ANKDD1B: variants seen among roughly 807,000 people sequenced by gnomAD.
ANKDD1B encodes ankyrin repeat and death domain containing 1B.
A neutral mutation model predicts 59.7 loss-of-function variants in ANKDD1B; 57 were observed. The ratio of observed to expected loss-of-function variants is 0.95; its 90% CI spans 0.77 to 1.19. The LOEUF (loss-of-function observed/expected upper bound fraction) is 1.19. Ranked by LOEUF, ANKDD1B falls within the 50% of genes most tolerant of loss-of-function variation. ANKDD1B has a pLI of 0.00. For missense variants in ANKDD1B, 602 were observed against 641.9 expected (o/e 0.94, Z 0.67); for synonymous variants, 216 against 239.5 (o/e 0.90, Z 0.91).
In ANKDD1B at chr5:75,625,973, GTGTAGGTCT is replaced by G; in HGVS notation, c.600+21_600+29del. The G allele has an allele frequency of 6.6e-7, 1 of 1,508,258 alleles. No homozygotes were observed. Among genetic ancestry groups the G allele is most frequent in the Non-Finnish European group, 8.9e-7 (1 of 1,121,768 alleles). 93.4% of individuals were successfully genotyped at this position (1,508,258 alleles called of 1,614,324 possible). ...CTGATGAGGTGTGTTCACTTTGGTT[GTGTAGGTCT>G]TGCATACACCCCTATCAAATTTCAC... On this transcript the variant is annotated intron_variant, in intron 5 of 13. Coordinates refer to ENST00000601380, the MANE Select transcript of ANKDD1B (RefSeq NM_001276713.2).
intron 11 of ANKDD1B, among the ~76,000 whole-genome samples, chr5:75,664,296 C>T (rs762355627): frequency 1.3e-5 from 2 of 152,226 alleles, no homozygotes; most frequent in African/African-American, 4.8e-5. Context: ...ATTTACTCAT[C>T]TCCTTCTCTC....
At chr5:75,637,863 G>A (rs894425783) in intron 7 of ANKDD1B, among the ~76,000 whole-genome samples, 6 of 151,952 alleles carry the variant, frequency 3.9e-5, no homozygotes, top group Middle Eastern at 6.8e-3. Flanking sequence ...GGAGTACAGC[G>A]GCATGGGAGA....
chr5:75,640,962 T>C (rs1774446186), intron 7 of ANKDD1B, among the ~76,000 whole-genome samples: 1 of 152,330 alleles, frequency 6.6e-6, no homozygotes, highest in East Asian at 1.9e-4. Flanking sequence ...TTGTCACTTC[T>C]TAGAAACAGA....
chr5:75,664,888 C>G (rs1214489077), intron 11 of ANKDD1B, among the ~76,000 whole-genome samples: 1 of 152,094 alleles, frequency 6.6e-6, no homozygotes, highest in African/African-American at 2.4e-5. Flanking sequence ...GGGAGAAATA[C>G]TTGTTTTTTA....
intron 2 of ANKDD1B, among the ~76,000 whole-genome samples, 200 bp from the exon 3 acceptor site, chr5:75,620,115 A>G (rs1169326492): frequency 6.6e-6 from 1 of 152,224 alleles, no homozygotes; most frequent in African/African-American, 2.4e-5. Flanking sequence ...GGACTGCCAA[A>G]TTCTCTGATG....
intron 5 of ANKDD1B, among the ~76,000 whole-genome samples, 152 bp downstream of exon 5, chr5:75,626,107 G>T (rs1176264246): frequency 6.6e-6 from 1 of 152,178 alleles, no homozygotes; most frequent in Non-Finnish European, 1.5e-5. Context: ...CAGAACCAAA[G>T]AGGAGTGTTG....
intron 7 of ANKDD1B, 94 bp from the exon 8 acceptor site, chr5:75,653,048 T>C: frequency 1.2e-6 from 1 of 838,932 alleles, no homozygotes; most frequent in Non-Finnish European, 1.9e-6. Flanking sequence ...TTGTACTATT[T>C]CATTGTATTA....
intron 5 of ANKDD1B, 86 bp from the exon 6 acceptor site, chr5:75,634,812 T>C: frequency 1.2e-6 from 1 of 843,338 alleles, no homozygotes; most frequent in Admixed American, 2.1e-5. Context: ...CTCCCCATCA[T>C]CCTTGAAATG....
In ANKDD1B at chr5:75,656,023, C is replaced by A. The variant is rs757774580; in HGVS notation, c.898-6C>A. 2.2e-6 allele frequency: 3 copies of A among 1,388,824 alleles called. No individual in the cohort carries two copies. Among genetic ancestry groups the A allele is most frequent in the Non-Finnish European group, 2.9e-6 (3 of 1,020,864 alleles). 86.0% of individuals were successfully genotyped at this position (1,388,824 alleles called of 1,614,324 possible). ...CTGGATTTGAAATTTTTATTTCTCT[C>A]TGCAGCCTAAGGAGTCCCCTCTTCA... On this transcript the variant is annotated splice_polypyrimidine_tract_variant and splice_region_variant and intron_variant, in intron 8 of 13. Transcript: ENST00000601380.
intron 7 of ANKDD1B, among the ~76,000 whole-genome samples, chr5:75,649,925 G>T (rs1367887994): frequency 6.6e-6 from 1 of 152,162 alleles, no homozygotes; most frequent in Non-Finnish European, 1.5e-5. Context: ...CGTCAGTGTT[G>T]TTTACCAACA....
rs112768487 is a variant in ANKDD1B, at chr5:75,669,555, G to T, written c.1525+172G>T. On this transcript the variant is annotated intron_variant, in intron 13 of 13. Coordinates refer to ENST00000601380, the MANE Select transcript of ANKDD1B (RefSeq NM_001276713.2). Reference sequence around the variant, plus strand: ...AGCTGTCAGCAGCTTCTCCTTTGGGGAATGACCCAGTCAATACTGGTTACT... The same window carrying T: ...AGCTGTCAGCAGCTTCTCCTTTGGGTAATGACCCAGTCAATACTGGTTACT... Among the ~76,000 whole-genome samples, 987 of 152,294 alleles carry T rather than the reference G, an allele frequency of 6.5e-3. 14 individuals are homozygous for T. Among genetic ancestry groups the T allele is most frequent in the African/African-American group, 0.022 (916 of 41,546 alleles).
intron 5 of ANKDD1B, among the ~76,000 whole-genome samples, chr5:75,633,211 A>G (rs1238357278): frequency 6.6e-6 from 1 of 152,114 alleles, no homozygotes; most frequent in Non-Finnish European, 1.5e-5. Context: ...TTTCTTAGTG[A>G]TTTCCTGAGA....
chr5:75,661,394 C>T (rs6867301), intron 10 of ANKDD1B, among the ~76,000 whole-genome samples: 1 of 58,858 alleles, frequency 1.7e-5, no homozygotes, highest in African/African-American at 8.4e-5. Flanking sequence ...GAAACTCCGT[C>T]TGAAAAAAAA....
At chr5:75,633,147 C>T (rs76123341) in intron 5 of ANKDD1B, among the ~76,000 whole-genome samples, 3,482 of 152,262 alleles carry the variant, frequency 0.023, 144 homozygotes, top group African/African-American at 0.078. Context: ...TTAGTGCCTA[C>T]CTTGAAAGCA....
At chr5:75,640,427 A>G (rs1355110130) in intron 7 of ANKDD1B, among the ~76,000 whole-genome samples, 2 of 152,192 alleles carry the variant, frequency 1.3e-5, no homozygotes, top group Admixed American at 6.5e-5. Flanking sequence ...GCATTGTGTG[A>G]TTTAACTGTG....
In ANKDD1B at chr5:75,653,151, A is replaced by G; in HGVS notation, c.808A>G (p.Ser270Gly). ...CTATTGTCTCTTGCAGCTCAATATC[A>G]GTAGTTTGCAGATAGCAACCAGGAA... ...DINEMNELNISSLQIATRNGH... is the reference protein window; with the variant it reads ...DINEMNELNIGSLQIATRNGH... The change falls in exon 8 of 14, where the codon AGT becomes GGT. Residue 270 changes from serine to glycine, a missense_variant. Transcript: ENST00000601380. 7 of 1,535,360 alleles carry G rather than the reference A, an allele frequency of 4.6e-6. No individual in the cohort carries two copies. Among genetic ancestry groups the G allele is most frequent in the Non-Finnish European group, 6.1e-6 (7 of 1,146,272 alleles).
chr5:75,633,274 A>G (rs1269081117), intron 5 of ANKDD1B, among the ~76,000 whole-genome samples: 1 of 151,742 alleles, frequency 6.6e-6, no homozygotes, highest in Admixed American at 6.6e-5. Context: ...CATTGGTGAC[A>G]TATGTGGCCC....
chr5:75,611,904 A>T, intron 1 of ANKDD1B, 77 bp downstream of exon 1: 1 of 1,154,814 alleles, frequency 8.7e-7, no homozygotes, highest in East Asian at 3.2e-5. Context: ...AGGTACCCAG[A>T]GCAGCACCTC....
At chr5:75,644,061 A>C (rs1228752032) in intron 7 of ANKDD1B, among the ~76,000 whole-genome samples, 1 of 106,278 alleles carries the variant, frequency 9.4e-6, no homozygotes, top group Non-Finnish European at 1.7e-5. Context: ...AGATTTTGTC[A>C]CCACCAGGCC....
Sources: allele counts gnomAD v4.1 joint callset (sites outside exome capture counted in the v4.1 genomes callset), GRCh38; gene constraint gnomAD v4.1.1; transcripts MANE v1.5; gene names NCBI Gene and HGNC (gene_info 2026-07-23, HGNC 2026-07-21).